The following CYP4F2 variants were observed in gnomAD, a reference collection of about 807,000 sequenced individuals.
CYP4F2 encodes the protein cytochrome P450 4F2.
In CYP4F2, 58 loss-of-function variants were observed where a neutral mutation model predicts 58.9. The observed-to-expected ratio is 0.98, with a 90% confidence interval of 0.80 to 1.23. CYP4F2 has a LOEUF of 1.23. Ranked by LOEUF, CYP4F2 falls within the 50% of genes most tolerant of loss-of-function variation. The pLI is 0.00. For missense variants in CYP4F2, 616 were observed against 685.6 expected, an observed-to-expected ratio of 0.90 and a Z score of 1.13; for synonymous variants, 287 against 261.1, an observed-to-expected ratio of 1.10 and a Z score of -0.95.
At chr19:15,893,473 G>T (rs1389780897) in intron 3 of CYP4F2, among the ~76,000 whole-genome samples, 2 of 152,196 alleles carry the variant, frequency 1.3e-5, no homozygotes, top group African/African-American at 4.8e-5. Flanking sequence ...TATACCAGAT[G>T]TAACCAGGTA....
chr19:15,885,119 C>T (rs2089369259), intron 9 of CYP4F2, among the ~76,000 whole-genome samples: 2 of 151,838 alleles, frequency 1.3e-5, no homozygotes, highest in African/African-American at 2.4e-5. Context: ...CTCTCCCTCG[C>T]TCTCCTCTCT....
chr19:15,883,706 G>C (rs2089358552), intron 9 of CYP4F2, among the ~76,000 whole-genome samples: 1 of 152,200 alleles, frequency 6.6e-6, no homozygotes, highest in Admixed American at 6.5e-5. Flanking sequence ...ATTTATTGCA[G>C]CACTATTCAA....
chr19:15,889,632 G>C lies in CYP4F2; in HGVS notation c.709C>G (p.His237Asp). ...ELSALVSKRH[H>D]EILLHIDFLY... Reference sequence around the variant, plus strand: ...AAGTCAATATGCAGGAGGATCTCATGGTGTCTTTTTGATACAAGGGCACTG... The same window carrying C: ...AAGTCAATATGCAGGAGGATCTCATCGTGTCTTTTTGATACAAGGGCACTG... Residue 237 changes from histidine (H) to aspartate (D), a missense_variant, in exon 7 of 13, where the codon CAT becomes GAT. By Grantham distance (81) the His-to-Asp change is moderately conservative. Transcript: ENST00000221700. 1 of 1,614,152 alleles carries C rather than the reference G, an allele frequency of 6.2e-7. No homozygotes were observed. The highest frequency in any genetic ancestry group is 8.5e-7 in the Non-Finnish European group (1 of 1,180,018).
intron 7 of CYP4F2, among the ~76,000 whole-genome samples, chr19:15,887,441 CAT>C (rs1043590075): frequency 2.0e-5 from 3 of 151,770 alleles, no homozygotes; most frequent in East Asian, 3.9e-4. Flanking sequence ...CACACACACA[CAT>C]AGACAAAGTC....
intron 9 of CYP4F2, among the ~76,000 whole-genome samples, chr19:15,882,120 C>T (rs1339418736): frequency 1.3e-5 from 2 of 152,066 alleles, no homozygotes; most frequent in East Asian, 3.9e-4. Flanking sequence ...TTGCGGGAGC[C>T]TGTAATCCCA....
chr19:15,891,320 G>A (rs1166044555), intron 5 of CYP4F2, among the ~76,000 whole-genome samples: 1 of 152,198 alleles, frequency 6.6e-6, no homozygotes, highest in South Asian at 2.1e-4. Context: ...GAAGCTTGGA[G>A]GGAAAAAAGG....
At position 15,895,665 on chromosome 19, in the gene CYP4F2, G is replaced by T; in HGVS notation, c.199-15C>A. On this transcript the variant is annotated splice_polypyrimidine_tract_variant and intron_variant, in intron 2 of 12. Coordinates refer to ENST00000221700, the MANE Select transcript of CYP4F2 (RefSeq NM_001082.5). ...GTGGGGTTGACCTGCAAGCAAGGCA[G>T]GGGTCATTACCTTCTGTGATAGTTA... 6.3e-7 allele frequency: 1 copy of T among 1,590,554 alleles called. No homozygotes were observed. The highest frequency in any genetic ancestry group is 1.2e-5 in the South Asian group (1 of 86,952).
chr19:15,882,918 C>G (rs2089354088), intron 9 of CYP4F2, among the ~76,000 whole-genome samples: 1 of 152,146 alleles, frequency 6.6e-6, no homozygotes. Context: ...TGGAAGAATA[C>G]ACAGAAAACT....
At chr19:15,888,063 C>T (rs1457374827) in intron 7 of CYP4F2, among the ~76,000 whole-genome samples, 1 of 151,520 alleles carries the variant, frequency 6.6e-6, no homozygotes, top group African/African-American at 2.4e-5. Context: ...CATAGACTGT[C>T]ACAGACTTAG....
chr19:15,891,189 A>G (rs1335695802), intron 5 of CYP4F2, among the ~76,000 whole-genome samples: 1 of 152,160 alleles, frequency 6.6e-6, no homozygotes, highest in Non-Finnish European at 1.5e-5. Context: ...CCCTCTAGAC[A>G]TGTTGCTTTT....
intron 9 of CYP4F2, among the ~76,000 whole-genome samples, chr19:15,882,251 GA>G (rs34369653): frequency 2.8e-5 from 4 of 144,592 alleles, no homozygotes; most frequent in Non-Finnish European, 6.0e-5. Flanking sequence ...TCTCAAAAAT[GA>G]AAAAAAAAAG....
chr19:15,889,321 A>G (rs1324502525), intron 7 of CYP4F2, 102 bp downstream of exon 7: 3 of 1,597,000 alleles, frequency 1.9e-6, no homozygotes, highest in African/African-American at 2.7e-5. Flanking sequence ...ATCACCTTCC[A>G]TGGCTCCCTA....
At chr19:15,887,411 C>T (rs183156740) in intron 7 of CYP4F2, among the ~76,000 whole-genome samples, 11 of 151,234 alleles carry the variant, frequency 7.3e-5, no homozygotes, top group Non-Finnish European at 1.2e-4. Context: ...AACACAGACA[C>T]ACATAAACAT....
In CYP4F2 at chr19:15,894,635, T is replaced by A. The variant is rs2089437756; in HGVS notation, c.343+871A>T. ...TTGCTTAGACCACACCAGGTTGGGTTTCCACCACTCACAACTGAAAGAGAC... is the reference window on the plus strand; with the variant it reads ...TTGCTTAGACCACACCAGGTTGGGTATCCACCACTCACAACTGAAAGAGAC... On this transcript the variant is annotated intron_variant, in intron 3 of 12. Transcript: ENST00000221700. Among the ~76,000 whole-genome samples, 3 of 152,190 alleles carry A rather than the reference T, an allele frequency of 2.0e-5. No homozygotes were observed. The South Asian group carries it at 6.2e-4, about 32-fold the overall frequency.
chr19:15,889,601 T>C lies in CYP4F2; in HGVS notation c.740A>G (p.Tyr247Cys), dbSNP rs1346915791. 1 of 1,614,038 alleles carries C rather than the reference T, an allele frequency of 6.2e-7. No homozygotes were observed. The highest frequency in any genetic ancestry group is 8.5e-7 in the Non-Finnish European group (1 of 1,180,048). Residue 247 changes from tyrosine (Y) to cysteine (C), a missense_variant, in exon 7 of 13, where the codon TAT (tyrosine) becomes TGT (cysteine). Tyr to Cys is a radical substitution (Grantham distance 194). Coordinates refer to ENST00000221700, the MANE Select transcript of CYP4F2 (RefSeq NM_001082.5). ...HEILLHIDFL[Y>C]YLTPDGQRFR... is the part of the protein sequence containing the mutation. ...ACGCTGCCCATCAGGGGTGAGATAA[T>C]ACAGGAAGTCAATATGCAGGAGGAT...
rs184845302 is a variant in CYP4F2, at chr19:15,888,363, C to A, written c.918+1060G>T. Among the ~76,000 whole-genome samples the A allele has an allele frequency of 3.2e-4, 49 of 151,814 alleles. 1 individual carries two copies. In the East Asian group the frequency reaches 9.2e-3, roughly 28 times the overall value. On this transcript the variant is annotated intron_variant, in intron 7 of 12. Coordinates refer to ENST00000221700, the MANE Select transcript of CYP4F2 (RefSeq NM_001082.5). ...ACATAGACATAGACACAGACACACA[C>A]GCACATAGACAAAGTCACAAACTTA...
rs773019224 is a variant in CYP4F2, at chr19:15,892,612, T to C, written c.344-30A>G. ...CATAAATGAGGACAATCAGGGGCCA[T>C]GGAGGCAGGTGAAAGAGGGACTTTG... On this transcript the variant is annotated intron_variant, in intron 3 of 12. Coordinates refer to ENST00000221700, the MANE Select transcript of CYP4F2 (RefSeq NM_001082.5). 6 of 1,606,228 alleles carry C rather than the reference T, an allele frequency of 3.7e-6. No homozygotes were observed. The African/African-American group carries it at 6.7e-5, about 18-fold the overall frequency.
In CYP4F2 at chr19:15,895,523, G is replaced by A. The variant is rs372003289; in HGVS notation, c.326C>T (p.Ser109Phe). The change falls in exon 3 of 13, where the codon TCT (serine) becomes TTT (phenylalanine). Residue 109 changes from serine (S) to phenylalanine (F), a missense_variant. Physicochemically the swap from Ser to Phe is radical, Grantham distance 155. Transcript: ENST00000221700. ...LSLCHPDIIR[S>F]VINASAAIAP... is the part of the protein sequence containing the mutation. ...GATGGTACCTGAGGCGTTGATGACA[G>A]ACCGGATGATGTCGGGGTGGCACAA... is the stretch of plus-strand genomic sequence containing the variant. The A allele has an allele frequency of 1.4e-5, 22 of 1,534,652 alleles. No individual in the cohort carries two copies. Among genetic ancestry groups the A allele is most frequent in the Non-Finnish European group, 1.7e-5 (20 of 1,150,910 alleles).
Position 15,878,727 on chromosome 19 carries a change from A to G in CYP4F2, c.*44T>C. The G allele has an allele frequency of 6.2e-7, 1 of 1,606,980 alleles. No individual in the cohort carries two copies. The highest frequency in any genetic ancestry group is 8.5e-7 in the Non-Finnish European group (1 of 1,175,982). On this transcript the variant is annotated 3_prime_UTR_variant, in exon 13 of 13. Transcript: ENST00000221700. ...TAATTCTAGGCTTCACTTTTGATGAATCAGGGGTCATTTTAGTGGGGTCAG... is the reference window on the plus strand; with the variant it reads ...TAATTCTAGGCTTCACTTTTGATGAGTCAGGGGTCATTTTAGTGGGGTCAG...
Sources: allele counts gnomAD v4.1 joint callset (sites outside exome capture counted in the v4.1 genomes callset), GRCh38; gene constraint gnomAD v4.1.1; transcripts MANE v1.5; gene names NCBI Gene and HGNC (gene_info 2026-07-23, HGNC 2026-07-21).